The following STK32A variants were observed in gnomAD, a reference collection of about 807,000 sequenced individuals.
STK32A encodes the protein serine/threonine kinase 32A.
A neutral mutation model predicts 53.2 loss-of-function variants in STK32A; 41 were observed. That is an observed-to-expected ratio of 0.77 (90% CI 0.60 to 1.00). The LOEUF is 1.00. STK32A is among the 50% of genes least tolerant of loss of function. The probability of loss-of-function intolerance (pLI) is 0.00; values close to 1 mark genes in which losing one functional copy is unlikely to be tolerated. For missense variants in STK32A, 458 were observed against 485.8 expected (o/e 0.94, Z 0.54); for synonymous variants, 166 against 162.8 (o/e 1.02, Z -0.15).
chr5:147,362,984 G>T (rs1756578702), intron 8 of STK32A, among the ~76,000 whole-genome samples: 1 of 151,894 alleles, frequency 6.6e-6, no homozygotes, highest in Non-Finnish European at 1.5e-5. Flanking sequence ...TACTCAGGTG[G>T]TTGAGGTGGG....
At chr5:147,261,932 C>A (rs970623759) in intron 2 of STK32A, among the ~76,000 whole-genome samples, 23 of 152,156 alleles carry the variant, frequency 1.5e-4, no homozygotes, top group African/African-American at 5.6e-4. Flanking sequence ...TCATAGTTGC[C>A]TTAGGATACA....
At chr5:147,325,457 A>G (rs1475069203) in intron 5 of STK32A, among the ~76,000 whole-genome samples, 1 of 152,088 alleles carries the variant, frequency 6.6e-6, no homozygotes, top group Non-Finnish European at 1.5e-5. Context: ...TCAGCCTATA[A>G]TTTATCTTGA....
At chr5:147,254,488 C>A (rs1260735210) in intron 2 of STK32A, among the ~76,000 whole-genome samples, 1 of 152,132 alleles carries the variant, frequency 6.6e-6, no homozygotes, top group Non-Finnish European at 1.5e-5. Flanking sequence ...GAATAGCACT[C>A]GAATATAACA....
chr5:147,337,860 G>C (rs1451998192), intron 5 of STK32A, among the ~76,000 whole-genome samples: 2 of 152,136 alleles, frequency 1.3e-5, no homozygotes, highest in Non-Finnish European at 2.9e-5. Context: ...TGCCAGTTTG[G>C]AAATTGTATT....
intron 11 of STK32A, among the ~76,000 whole-genome samples, chr5:147,377,426 T>C (rs967956439): frequency 6.6e-6 from 1 of 152,172 alleles, no homozygotes; most frequent in African/African-American, 2.4e-5. Flanking sequence ...GGACAATTTC[T>C]ATCTGTTGAT....
At chr5:147,248,890 C>T (rs1360123662) in intron 2 of STK32A, among the ~76,000 whole-genome samples, 1 of 152,034 alleles carries the variant, frequency 6.6e-6, no homozygotes, top group East Asian at 1.9e-4. Flanking sequence ...TTAGTGGCAA[C>T]CATTTGCTGC....
chr5:147,275,464 A>G (rs1473569272), intron 2 of STK32A, among the ~76,000 whole-genome samples: 2 of 152,128 alleles, frequency 1.3e-5, no homozygotes, highest in African/African-American at 4.8e-5. Flanking sequence ...AGCTGGGACT[A>G]CAGATGTGCA....
At chr5:147,265,660 T>G (rs530034525) in intron 2 of STK32A, among the ~76,000 whole-genome samples, 3 of 152,100 alleles carry the variant, frequency 2.0e-5, no homozygotes, top group African/African-American at 7.2e-5. Context: ...AAGCTTCTTA[T>G]GTTTTTCCAT....
intron 8 of STK32A, among the ~76,000 whole-genome samples, chr5:147,366,795 G>T (rs1394275137): frequency 6.6e-6 from 1 of 151,568 alleles, no homozygotes; most frequent in African/African-American, 2.4e-5. Flanking sequence ...TTCTCATAAG[G>T]ATACTCTATC....
intron 4 of STK32A, among the ~76,000 whole-genome samples, chr5:147,301,683 C>T (rs1018650278): frequency 1.3e-5 from 2 of 152,218 alleles, no homozygotes; most frequent in Non-Finnish European, 2.9e-5. Flanking sequence ...ATTAGTTTTC[C>T]GTTGCTGCGG....
At chr5:147,353,340 T>C (rs978470326) in intron 7 of STK32A, among the ~76,000 whole-genome samples, 1 of 152,104 alleles carries the variant, frequency 6.6e-6, no homozygotes, top group African/African-American at 2.4e-5. Flanking sequence ...CTAAAGTAAA[T>C]GTAATAAGCA....
chr5:147,257,258 G>A (rs931078150), intron 2 of STK32A, among the ~76,000 whole-genome samples: 5 of 151,876 alleles, frequency 3.3e-5, no homozygotes, highest in Non-Finnish European at 5.9e-5. Flanking sequence ...GGGCGGGGCG[G>A]GGGGTAGGAC....
At chr5:147,316,279 T>G (rs909711247) in intron 4 of STK32A, among the ~76,000 whole-genome samples, 3 of 152,246 alleles carry the variant, frequency 2.0e-5, no homozygotes, top group Non-Finnish European at 4.4e-5. Context: ...TTATGAAATG[T>G]GTGATGTGTT....
downstream of STK32A, among the ~76,000 whole-genome samples, chr5:147,388,618 T>G (rs928446500): frequency 6.6e-6 from 1 of 152,086 alleles, no homozygotes; most frequent in South Asian, 2.1e-4. Flanking sequence ...TTATCCCCCA[T>G]CTCCTGCTCA....
At chr5:147,308,918 G>A (rs185809276) in intron 4 of STK32A, among the ~76,000 whole-genome samples, 3,390 of 149,966 alleles carry the variant, frequency 0.023, 119 homozygotes, top group African/African-American at 0.079. Context: ...TAAAATATTT[G>A]TTTTTTATAT....
chr5:147,315,169 T>C (rs1342531599), intron 4 of STK32A, among the ~76,000 whole-genome samples: 1 of 152,206 alleles, frequency 6.6e-6, no homozygotes, highest in Non-Finnish European at 1.5e-5. Flanking sequence ...GTTGGACAGT[T>C]CTTCAAAAAG....
the STK32A span, chr5:147,393,919 T>C: frequency 4.8e-6 from 5 of 1,031,158 alleles, no homozygotes; most frequent in Non-Finnish European, 7.3e-6. Context: ...TTGAGGCTTA[T>C]TGATTCTTTA....
At chr5:147,291,491 G>A (rs537755989) in intron 4 of STK32A, among the ~76,000 whole-genome samples, 38 of 151,318 alleles carry the variant, frequency 2.5e-4, no homozygotes, top group South Asian at 8.4e-4. Context: ...TAGTTTTCTC[G>A]GAATAAGTAA....
chr5:147,341,404 G>T (rs1755400553), intron 5 of STK32A, among the ~76,000 whole-genome samples: 1 of 152,190 alleles, frequency 6.6e-6, no homozygotes, highest in Admixed American at 6.5e-5. Flanking sequence ...CTGACCATGA[G>T]GCACTGGGAT....
Sources: gnomAD v4.1 joint callset for allele counts (sites outside exome capture counted in the v4.1 genomes callset) on GRCh38, gnomAD v4.1.1 for gene constraint, MANE v1.5 for transcripts, NCBI Gene and HGNC (gene_info 2026-07-23, HGNC 2026-07-21) for gene names.